KIFAP3: variants seen among roughly 807,000 people sequenced by gnomAD.
KIFAP3 encodes kinesin-associated protein 3.
A neutral mutation model predicts 106.5 loss-of-function variants in KIFAP3; 68 were observed. That is an observed-to-expected ratio of 0.64 (90% CI 0.53 to 0.78). The LOEUF (loss-of-function observed/expected upper bound fraction) is 0.78, where lower values mean the gene tolerates loss of function less well. KIFAP3 is among the 30% of genes least tolerant of loss of function. The probability of loss-of-function intolerance (pLI) is 0.00; values close to 1 mark genes in which losing one functional copy is unlikely to be tolerated. For missense variants in KIFAP3, 780 were observed against 941.8 expected, an observed-to-expected ratio of 0.83 and a Z score of 2.25; for synonymous variants, 320 against 311.5, an observed-to-expected ratio of 1.03 and a Z score of -0.29.
intron 1 of KIFAP3, among the ~76,000 whole-genome samples, chr1:170,083,871 T>C (rs1672058223): frequency 6.6e-6 from 1 of 152,218 alleles, no homozygotes; most frequent in African/African-American, 2.4e-5. Flanking sequence ...TGATATTTTG[T>C]TAGAATCTTA....
intron 9 of KIFAP3, among the ~76,000 whole-genome samples, chr1:170,016,895 A>C (rs537243212): frequency 2.0e-5 from 3 of 152,302 alleles, no homozygotes; most frequent in East Asian, 3.9e-4. Flanking sequence ...GCATTATTGA[A>C]CACCACCTAC....
Position 170,046,861 on chromosome 1 carries a change from C to A in KIFAP3, c.170G>T (p.Arg57Leu), listed in dbSNP as rs199720770. Residue 57 changes from arginine to leucine, a missense_variant, in exon 3 of 20, where the codon CGA becomes CTA. This residue lies in a region of KIFAP3 where 588 missense variants were observed against 678.9 expected (regional missense o/e 0.87). Coordinates refer to ENST00000361580, the MANE Select transcript of KIFAP3 (RefSeq NM_014970.4). ...GERKECQKII[R>L]LKSLNANTDI... ...TGTGTTGGCATTGAGACTCTTAAGTCGAATGCTGTAAGTATAACAGAATTT... is the reference window on the plus strand; with the variant it reads ...TGTGTTGGCATTGAGACTCTTAAGTAGAATGCTGTAAGTATAACAGAATTT... 4.4e-6 allele frequency: 7 copies of A among 1,596,446 alleles called. No homozygotes were observed. In the East Asian group the frequency reaches 9.1e-5, roughly 21 times the overall value.
At position 170,031,996 on chromosome 1, in the gene KIFAP3, G is replaced by A. The variant is rs1227221771; in HGVS notation, c.743-12C>T. On this transcript the variant is annotated splice_polypyrimidine_tract_variant and intron_variant, in intron 7 of 19. Coordinates refer to ENST00000361580, the MANE Select transcript of KIFAP3 (RefSeq NM_014970.4). ...AGGGTCTTCATCAAGTAAACAACTT[G>A]TTAAGGATCATCCATACTCATTGAA... 2.2e-5 allele frequency: 34 copies of A among 1,538,006 alleles called. No homozygotes were observed. The highest frequency in any genetic ancestry group is 2.5e-5 in the Non-Finnish European group (28 of 1,115,036).
intron 19 of KIFAP3, among the ~76,000 whole-genome samples, chr1:169,931,143 C>A (rs1223019883): frequency 6.6e-6 from 1 of 152,120 alleles, no homozygotes; most frequent in Non-Finnish European, 1.5e-5. Context: ...TAGTCTCGAA[C>A]TCCTGAACTC....
chr1:169,944,556 C>T (rs1239999109), intron 19 of KIFAP3, among the ~76,000 whole-genome samples: 1 of 152,120 alleles, frequency 6.6e-6, no homozygotes, highest in East Asian at 1.9e-4. Flanking sequence ...TGTTACAGCT[C>T]TTTGAGTCCT....
chr1:170,001,032 G>C (rs1039029653), intron 10 of KIFAP3, among the ~76,000 whole-genome samples: 1 of 152,032 alleles, frequency 6.6e-6, no homozygotes, highest in African/African-American at 2.4e-5. Context: ...CACTAAATGA[G>C]TACTCTTATA....
At chr1:170,063,396 G>T (rs893443720) in intron 1 of KIFAP3, among the ~76,000 whole-genome samples, 5 of 152,150 alleles carry the variant, frequency 3.3e-5, no homozygotes, top group African/African-American at 1.2e-4. Context: ...CCCAGGAACT[G>T]ACTCAGCACA....
intron 17 of KIFAP3, 138 bp downstream of exon 17, chr1:169,972,375 G>A: frequency 1.8e-6 from 1 of 549,146 alleles, no homozygotes; most frequent in Non-Finnish European, 3.3e-6. Flanking sequence ...AGTAAATTTA[G>A]TATCATTGTA....
At chr1:169,977,868 A>C (rs1029266170) in intron 16 of KIFAP3, among the ~76,000 whole-genome samples, 1 of 152,132 alleles carries the variant, frequency 6.6e-6, no homozygotes, top group African/African-American at 2.4e-5. Context: ...TAGGAATCAC[A>C]ACCTGACAAG....
At chr1:170,065,176 T>A (rs1331574602) in intron 1 of KIFAP3, among the ~76,000 whole-genome samples, 1 of 152,240 alleles carries the variant, frequency 6.6e-6, no homozygotes, top group East Asian at 1.9e-4. Context: ...CTATTTTATC[T>A]GACATTAATA....
intron 1 of KIFAP3, among the ~76,000 whole-genome samples, chr1:170,061,548 G>C (rs1337268290): frequency 5.8e-4 from 88 of 152,204 alleles, no homozygotes; most frequent in East Asian, 9.7e-4. Context: ...AATAGGAACA[G>C]TTTTACACTG....
chr1:169,941,437 G>A (rs577178871), intron 19 of KIFAP3, among the ~76,000 whole-genome samples: 143 of 152,102 alleles, frequency 9.4e-4, no homozygotes, highest in African/African-American at 3.3e-3. Flanking sequence ...TTTGGTTATT[G>A]CTTTTATGGT....
intron 19 of KIFAP3, among the ~76,000 whole-genome samples, chr1:169,931,087 T>G (rs1663447050): frequency 6.6e-6 from 1 of 151,868 alleles, no homozygotes; most frequent in Admixed American, 6.6e-5. Flanking sequence ...GCCTGGCTAA[T>G]TTTTGTATTT....
At chr1:169,928,509 A>G (rs1227746116) in intron 19 of KIFAP3, among the ~76,000 whole-genome samples, 1 of 151,830 alleles carries the variant, frequency 6.6e-6, no homozygotes. Flanking sequence ...CAGGAGTTCA[A>G]GACATGGCAA....
chr1:170,001,155 T>C (rs1353729085), intron 10 of KIFAP3, among the ~76,000 whole-genome samples: 1 of 152,118 alleles, frequency 6.6e-6, no homozygotes, highest in East Asian at 1.9e-4. Flanking sequence ...TCTGTAGAAT[T>C]TTTATTACAT....
At chr1:169,985,431 G>A (rs1377746281) in intron 11 of KIFAP3, among the ~76,000 whole-genome samples, 2 of 151,828 alleles carry the variant, frequency 1.3e-5, no homozygotes, top group African/African-American at 4.8e-5. Context: ...TAGATGTTAT[G>A]GTTAAAGGAG....
chr1:170,059,387 T>G (rs1032678625), intron 1 of KIFAP3, among the ~76,000 whole-genome samples: 1 of 152,052 alleles, frequency 6.6e-6, no homozygotes, highest in African/African-American at 2.4e-5. Flanking sequence ...AACACCTCTA[T>G]GCAAATAAAC....
intron 15 of KIFAP3, among the ~76,000 whole-genome samples, chr1:169,978,690 T>G (rs1009760055): frequency 2.0e-5 from 3 of 152,114 alleles, no homozygotes; most frequent in East Asian, 1.9e-4. Context: ...TGATGTCCAC[T>G]GATTAATATG....
intron 1 of KIFAP3, chr1:170,068,896 C>T (rs1671571575): frequency 1.3e-5 from 2 of 151,576 alleles, no homozygotes; most frequent in South Asian, 4.2e-4. Context: ...TAAAAAGCAG[C>T]AACAGAGACT....
Sources: allele counts gnomAD v4.1 joint callset (sites outside exome capture counted in the v4.1 genomes callset), GRCh38; gene constraint gnomAD v4.1.1; regional missense constraint gnomAD v4.1.1; transcripts MANE v1.5; gene names NCBI Gene and HGNC (gene_info 2026-07-23, HGNC 2026-07-21).